The following PRDM1 variants were observed in gnomAD, a reference collection of about 807,000 sequenced individuals.
The protein encoded by PRDM1 is PR domain zinc finger protein 1.
PRDM1 carries 13 observed loss-of-function variants against 62.8 expected under a neutral mutation model. The observed-to-expected ratio is 0.21, with a 90% CI of 0.13 to 0.33. The LOEUF is 0.33. PRDM1 is among the 10% of genes least tolerant of loss of function. The pLI, the probability that PRDM1 is intolerant of heterozygous loss-of-function variation, is 1.00. For synonymous variants in PRDM1, 396 were observed against 417.6 expected, an observed-to-expected ratio of 0.95 and a Z score of 0.63; for missense variants, 895 against 1,058.8, an observed-to-expected ratio of 0.85 and a Z score of 2.15.
At chr6:106,019,163 A>T (rs1375549680) in intron 1 of PRDM1, among the ~76,000 whole-genome samples, 1 of 149,188 alleles carries the variant, frequency 6.7e-6, no homozygotes, top group African/African-American at 2.5e-5. Flanking sequence ...CTACTCAGGA[A>T]GCTGAGGCAC....
chr6:106,016,451 C>T (rs1315514278), intron 1 of PRDM1, among the ~76,000 whole-genome samples: 4 of 152,004 alleles, frequency 2.6e-5, no homozygotes, highest in Non-Finnish European at 5.9e-5. Flanking sequence ...TATTCTTTCT[C>T]GCACCCTGGG....
chr6:106,059,145 G>C (rs931588774), intron 1 of PRDM1, among the ~76,000 whole-genome samples: 3 of 152,120 alleles, frequency 2.0e-5, no homozygotes, highest in Non-Finnish European at 4.4e-5. Context: ...TTACATTCTA[G>C]AGGGAGAGAC....
Position 106,109,091 on chromosome 6 carries a change from C to CAAAAAAAAAAA in PRDM1, c.*1617_*1627dup, listed in dbSNP as rs36077280. On this transcript the variant is annotated 3_prime_UTR_variant, in exon 7 of 7. Coordinates refer to ENST00000369096, the MANE Select transcript of PRDM1 (RefSeq NM_001198.4). ...GTAAAAGATCTACTTTTTCTAAGGG[C>CAAAAAAAAAAA]AAAAAAAAAAAAAAAAAAAAAAGAA... 8.5e-6 allele frequency: 1 copy of CAAAAAAAAAAA among 117,370 alleles called. No homozygotes were observed. Among genetic ancestry groups the CAAAAAAAAAAA allele is most frequent in the Non-Finnish European group, 1.6e-5 (1 of 62,468 alleles). The allele number at this position is 117,370 out of a possible 1,614,324, so 7.3% of individuals were successfully genotyped here.
intron 1 of PRDM1, among the ~76,000 whole-genome samples, chr6:106,015,244 T>C (rs1467759991): frequency 6.6e-6 from 1 of 152,266 alleles, no homozygotes; most frequent in African/African-American, 2.4e-5. Flanking sequence ...TCCTTAATGC[T>C]TCTTGAAGTT....
rs2114661426 is a variant in PRDM1, at chr6:106,106,891, C to T, written c.1903-20C>T. On this transcript the variant is annotated intron_variant, in intron 6 of 6. Transcript: ENST00000369096. The surrounding 1 kb of genome is among the most constrained non-coding windows in gnomAD (Gnocchi z 4.4). ...CCTTCCTGTCTCCCTTCCCTGCTGT[C>T]TCTCTCCCCTACACTGTAGGTCTGC... 3 of 1,591,408 alleles carry T rather than the reference C, an allele frequency of 1.9e-6. No individual in the cohort carries two copies. Among genetic ancestry groups the T allele is most frequent in the Non-Finnish European group, 2.6e-6 (3 of 1,164,116 alleles).
At chr6:106,033,317 GTT>G (rs147098593) in intron 1 of PRDM1, among the ~76,000 whole-genome samples, 5 of 136,222 alleles carry the variant, frequency 3.7e-5, no homozygotes, top group Non-Finnish European at 1.6e-5. Context: ...GCTAATATTA[GTT>G]TTTTTTTTTT....
chr6:106,008,149 G>T (rs1222376086), intron 1 of PRDM1, among the ~76,000 whole-genome samples: 2 of 152,130 alleles, frequency 1.3e-5, no homozygotes, highest in Non-Finnish European at 2.9e-5. Flanking sequence ...GAGGTGGGTG[G>T]ATCACGAGGT....
intron 1 of PRDM1, chr6:106,087,725 C>A (rs1480332809): frequency 8.6e-6 from 2 of 233,048 alleles, no homozygotes; most frequent in Non-Finnish European, 1.7e-5. Flanking sequence ...TCCGCTCCTG[C>A]ACCACACGCG....
rs1466504759 is a variant in PRDM1 at position 106,109,135 on chromosome 6, T to G, written c.*1649T>G. ...AAAAGAACACTCCTTTCTGAGACTT[T>G]GCTTAATACTTGGTGACCTCACAAT... On this transcript the variant is annotated 3_prime_UTR_variant, in exon 7 of 7. Coordinates refer to ENST00000369096, the MANE Select transcript of PRDM1 (RefSeq NM_001198.4). The G allele has an allele frequency of 4.5e-6, 1 of 220,864 alleles. No homozygotes were observed. Among genetic ancestry groups the G allele is most frequent in the Non-Finnish European group, 9.1e-6 (1 of 110,394 alleles). 13.7% of individuals were successfully genotyped at this position (220,864 alleles called of 1,614,324 possible).
chr6:106,099,541 T>C lies in PRDM1; in HGVS notation c.653T>C (p.Met218Thr), dbSNP rs1172612900. Residue 218 changes from methionine to threonine, a missense_variant, in exon 4 of 7, where the codon ATG becomes ACG. Met to Thr is a moderately conservative substitution (Grantham distance 81, BLOSUM62 -1). Around this residue, in one of 4 missense-constraint regions of PRDM1, gnomAD observed 213 missense variants for 283.9 expected, o/e 0.75. Coordinates refer to ENST00000369096, the MANE Select transcript of PRDM1 (RefSeq NM_001198.4). ...LHYPYPGELT[M>T]MNLTQTQSSL... ...TACCCTTATCCCGGAGAGCTGACAA[T>C]GATGAATCTCAGTAAGTGGATTACA... 2 of 1,614,176 alleles carry C rather than the reference T, an allele frequency of 1.2e-6. No individual in the cohort carries two copies. The highest frequency in any genetic ancestry group is 1.7e-5 in the Admixed American group (1 of 60,018).
At chr6:106,094,592 G>C (rs192584661) in intron 2 of PRDM1, among the ~76,000 whole-genome samples, 1 of 152,134 alleles carries the variant, frequency 6.6e-6, no homozygotes, top group Non-Finnish European at 1.5e-5. Flanking sequence ...GCTTTCCTCC[G>C]TATAAACTTA....
intron 1 of PRDM1, among the ~76,000 whole-genome samples, chr6:106,035,937 A>C (rs764155458): frequency 2.6e-5 from 4 of 151,992 alleles, no homozygotes; most frequent in Non-Finnish European, 5.9e-5. Context: ...TTTTTAAATA[A>C]AATTTTTTTA....
intron 1 of PRDM1, among the ~76,000 whole-genome samples, chr6:106,065,579 G>T (rs2114596488): frequency 6.6e-6 from 1 of 152,260 alleles, no homozygotes; most frequent in South Asian, 2.1e-4. Flanking sequence ...TATTAAAAGG[G>T]CTACACTTTT....
chr6:106,065,066 G>A (rs555141546), intron 1 of PRDM1, among the ~76,000 whole-genome samples: 5 of 152,312 alleles, frequency 3.3e-5, no homozygotes, highest in Admixed American at 2.0e-4. Context: ...GATCTCTGGG[G>A]TAGTTGGAGG....
intron 1 of PRDM1, among the ~76,000 whole-genome samples, chr6:106,037,040 A>G (rs868085717): frequency 2.0e-5 from 3 of 151,968 alleles, no homozygotes; most frequent in African/African-American, 7.3e-5. Flanking sequence ...AACCTGCAAG[A>G]CCTCTTTTGG....
intron 1 of PRDM1, among the ~76,000 whole-genome samples, chr6:106,001,976 A>G (rs1250250996): frequency 1.3e-5 from 2 of 152,168 alleles, no homozygotes; most frequent in African/African-American, 4.8e-5. Flanking sequence ...GAAATGCAGT[A>G]TGTGGTTGAT....
chr6:106,024,497 C>T (rs1023544303), intron 1 of PRDM1, among the ~76,000 whole-genome samples: 4 of 152,170 alleles, frequency 2.6e-5, no homozygotes, highest in African/African-American at 9.7e-5. Context: ...AAACTTGTCT[C>T]AGACATCTCT....
intron 1 of PRDM1, among the ~76,000 whole-genome samples, chr6:106,058,068 C>T (rs1054504277): frequency 2.2e-4 from 33 of 152,320 alleles, no homozygotes; most frequent in African/African-American, 7.5e-4. Flanking sequence ...CCTATTCTTA[C>T]ATTACATACC....
upstream of PRDM1, among the ~76,000 whole-genome samples, chr6:105,993,072 C>G (rs1321568312): frequency 3.3e-5 from 5 of 152,168 alleles, no homozygotes; most frequent in Non-Finnish European, 5.9e-5. Context: ...AGAGGGGGCC[C>G]GTGAGTGGCA....
Sources: allele counts gnomAD v4.1 joint callset (sites outside exome capture counted in the v4.1 genomes callset), GRCh38; gene constraint gnomAD v4.1.1; regional missense constraint gnomAD v4.1.1; non-coding constraint Gnocchi (gnomAD v3.1); transcripts MANE v1.5; gene names NCBI Gene and HGNC (gene_info 2026-07-23, HGNC 2026-07-21).